Variants in PRRC2C observed in about 807,000 individuals in gnomAD.
The protein encoded by PRRC2C is protein PRRC2C.
PRRC2C carries 72 observed loss-of-function variants against 317.2 expected under a neutral mutation model. The observed-to-expected ratio is 0.23, with a 90% CI of 0.19 to 0.28. The LOEUF (loss-of-function observed/expected upper bound fraction) is 0.28, where lower values mean the gene tolerates loss of function less well. Ranked by LOEUF, PRRC2C falls within the 10% of genes least tolerant of loss-of-function variation. PRRC2C has a pLI of 1.00. For missense variants in PRRC2C, 3,074 were observed against 3,459.7 expected, an observed-to-expected ratio of 0.89 and a Z score of 2.80; for synonymous variants, 1,296 against 1,205.9, an observed-to-expected ratio of 1.07 and a Z score of -1.55.
rs1557996951 is a variant in PRRC2C, at chr1:171,557,499, T to TGGCCTCAACCTCAGCTCCAGTTCC, written c.5388_5411dup (p.Thr1799_Ser1806dup). The TGGCCTCAACCTCAGCTCCAGTTCC allele has an allele frequency of 1.0e-5, 16 of 1,550,888 alleles. No homozygotes were observed. In the African/African-American group the frequency reaches 1.7e-4, roughly 16 times the overall value. On this transcript the variant is annotated inframe_insertion, in exon 19 of 35. Transcript: ENST00000647382. ...CCAGCCTCAACTTTAGCTCCAGTTC[T>TGGCCTCAACCTCAGCTCCAGTTCC]GGCCTCAACCTCAGCTCCAGTTCCA...
intron 16 of PRRC2C, 124 bp from the exon 17 acceptor site, chr1:171,545,355 A>G (rs1003918444): frequency 1.3e-6 from 1 of 771,752 alleles, no homozygotes. Flanking sequence ...GTTTGGTTAC[A>G]GTTAAGAGTT....
chr1:171,545,818 G>T, intron 17 of PRRC2C, 131 bp downstream of exon 17: 1 of 531,978 alleles, frequency 1.9e-6, no homozygotes, highest in Non-Finnish European at 2.8e-6. Context: ...GACATTCAAG[G>T]TATACATAGT....
rs754737523 is a variant in PRRC2C, at chr1:171,532,847, A to G, written c.1759A>G (p.Lys587Glu). ...KELQKMKEQEKECELEKEREK... is the reference protein window; with the variant it reads ...KELQKMKEQEEECELEKEREK... ...ACTACAAAAGATGAAAGAACAAGAAAAGGAATGTGAGCTGGAGAAGGAAAG... is the reference window on the plus strand; with the variant it reads ...ACTACAAAAGATGAAAGAACAAGAAGAGGAATGTGAGCTGGAGAAGGAAAG... Residue 587 changes from lysine to glutamate, a missense_variant, in exon 12 of 35, where the codon AAG (lysine) becomes GAG (glutamate). Lys to Glu is a moderately conservative substitution (Grantham distance 56, BLOSUM62 1). Transcript: ENST00000647382. The G allele has an allele frequency of 8.7e-6, 14 of 1,601,978 alleles. No homozygotes were observed. The African/African-American group carries it at 1.8e-4, about 20-fold the overall frequency.
chr1:171,540,642 A>T lies in PRRC2C; in HGVS notation c.3176A>T (p.Asp1059Val), dbSNP rs1327305949. The T allele has an allele frequency of 6.2e-7, 1 of 1,613,946 alleles. No homozygotes were observed. Among genetic ancestry groups the T allele is most frequent in the East Asian group, 2.2e-5 (1 of 44,866 alleles). The change falls in exon 16 of 35, where the codon GAT (aspartate) becomes GTT (valine). Residue 1059 changes from aspartate to valine, a missense_variant. By Grantham distance (152) the Asp-to-Val change is radical. Around this residue, in one of 11 missense-constraint regions of PRRC2C, gnomAD observed 1,320 missense variants for 1,395.7 expected, o/e 0.95. Transcript: ENST00000647382. ...VVKPEKTEKK[D>V]LPPPPPPPQP... ...AAGCCTGAAAAGACGGAAAAGAAGG[A>T]TCTTCCTCCTCCCCCACCACCACCT... is the stretch of plus-strand genomic sequence containing the variant.
chr1:171,587,313 G>A (rs936297780), intron 31 of PRRC2C, 92 bp downstream of exon 31: 23 of 1,207,282 alleles, frequency 1.9e-5, no homozygotes, highest in African/African-American at 1.1e-4. Flanking sequence ...ACTAAAATGC[G>A]TCAGTTTTTA....
chr1:171,537,423 G>T lies in PRRC2C; in HGVS notation c.2454G>T (p.Glu818Asp), dbSNP rs1366918969. The T allele has an allele frequency of 5.7e-6, 9 of 1,586,412 alleles. No individual in the cohort carries two copies. Among genetic ancestry groups the T allele is most frequent in the Non-Finnish European group, 7.7e-6 (9 of 1,165,432 alleles). ...LWGSDPYPHA[E>D]PQQATTPKAT... ...GGTCAGATCCCTATCCTCATGCTGAGCCTCAACAAGCAACTACTCCCAAAG... is the reference window on the plus strand; with the variant it reads ...GGTCAGATCCCTATCCTCATGCTGATCCTCAACAAGCAACTACTCCCAAAG... Residue 818 changes from glutamate (E) to aspartate (D), a missense_variant, in exon 15 of 35, where the codon GAG becomes GAT. Transcript: ENST00000647382.
At position 171,566,644 on chromosome 1, in the gene PRRC2C, G is replaced by C; in HGVS notation, c.6359G>C (p.Gly2120Ala). The C allele has an allele frequency of 6.2e-7, 1 of 1,605,624 alleles. No homozygotes were observed. The highest frequency in any genetic ancestry group is 8.5e-7 in the Non-Finnish European group (1 of 1,175,608). ...AAAGAACACAAACCTGGTCCCATTG[G>C]AAAGGAACGTTCATTAAAAAATAGA... ...ENKEHKPGPI[G>A]KERSLKNRKV... is the part of the protein sequence containing the mutation. The change falls in exon 22 of 35, where the codon GGA (glycine) becomes GCA (alanine). Residue 2120 changes from glycine (G) to alanine (A), a missense_variant. This residue lies in a region of PRRC2C where 640 missense variants were observed against 676.1 expected (regional missense o/e 0.95). Coordinates refer to ENST00000647382, the MANE Select transcript of PRRC2C (RefSeq NM_001387844.1).
chr1:171,492,762 A>ATTTATT (rs1322088136), intron 1 of PRRC2C, among the ~76,000 whole-genome samples: 4 of 150,986 alleles, frequency 2.6e-5, no homozygotes, highest in Non-Finnish European at 5.9e-5. Flanking sequence ...TTATTTATTT[A>ATTTATT]TTTATTTAGA....
Position 171,568,355 on chromosome 1 carries a change from G to T in PRRC2C, c.6651+16G>T. ...GGTTAATAATGTAAGTAATCAGTTT[G>T]AGATGTGGCAAGTTTGGATTGGAAC... On this transcript the variant is annotated intron_variant, in intron 23 of 34. Transcript: ENST00000647382. 1 of 1,583,344 alleles carries T rather than the reference G, an allele frequency of 6.3e-7. No homozygotes were observed. The highest frequency in any genetic ancestry group is 1.2e-5 in the South Asian group (1 of 86,892).
intron 17 of PRRC2C, among the ~76,000 whole-genome samples, chr1:171,548,527 A>G (rs960885435): frequency 2.6e-5 from 4 of 152,194 alleles, no homozygotes; most frequent in Non-Finnish European, 5.9e-5. Flanking sequence ...TCCAATTAAA[A>G]CATGGTATAT....
At chr1:171,487,496 T>C (rs1666343600) in intron 1 of PRRC2C, among the ~76,000 whole-genome samples, 1 of 152,220 alleles carries the variant, frequency 6.6e-6, no homozygotes, top group African/African-American at 2.4e-5. Flanking sequence ...ATGGAATATA[T>C]CCACTTTGGA....
Position 171,541,325 on chromosome 1 carries a change from A to G in PRRC2C, c.3859A>G (p.Lys1287Glu). Residue 1287 changes from lysine to glutamate, a missense_variant, in exon 16 of 35, where the codon AAA (lysine) becomes GAA (glutamate). This residue lies in a region of PRRC2C where 1,320 missense variants were observed against 1,395.7 expected (regional missense o/e 0.95). Coordinates refer to ENST00000647382, the MANE Select transcript of PRRC2C (RefSeq NM_001387844.1). This position sits in a 1 kb window ranked among gnomAD's most constrained non-coding sequence, Gnocchi z 4.1. ...TGACAAGGACAGTTTAAGTAAAGGCAAACTTCCCAAAAGAGAGGAACGGCC... is the reference window on the plus strand; with the variant it reads ...TGACAAGGACAGTTTAAGTAAAGGCGAACTTCCCAAAAGAGAGGAACGGCC... Reference protein sequence around the residue: ...ASDKDSLSKGKLPKREERPEN... With the variant: ...ASDKDSLSKGELPKREERPEN... 6.2e-7 allele frequency: 1 copy of G among 1,613,682 alleles called. No individual in the cohort carries two copies. The highest frequency in any genetic ancestry group is 1.1e-5 in the South Asian group (1 of 91,030).
At position 171,545,649 on chromosome 1, in the gene PRRC2C, T is replaced by C. The variant is rs772930366; in HGVS notation, c.4934T>C (p.Val1645Ala). ...KPGPKKPKEK[V>A]DALSQFDLNN... The stretch of plus-strand genomic sequence containing the variant: ...GGCCCTAAAAAACCAAAAGAGAAAG[T>C]GGATGCTCTATCACAGTTTGATCTC... Residue 1645 changes from valine to alanine, a missense_variant, in exon 17 of 35, where the codon GTG becomes GCG. Physicochemically the swap from Val to Ala is moderately conservative, Grantham distance 64 (BLOSUM62 0). Coordinates refer to ENST00000647382, the MANE Select transcript of PRRC2C (RefSeq NM_001387844.1). 1 of 1,613,158 alleles carries C rather than the reference T, an allele frequency of 6.2e-7. No individual in the cohort carries two copies.
chr1:171,492,654 G>T (rs1667368550), intron 1 of PRRC2C, among the ~76,000 whole-genome samples: 6 of 152,070 alleles, frequency 3.9e-5, no homozygotes, highest in Admixed American at 3.9e-4. Flanking sequence ...ATCAGTAGTG[G>T]GATAGCCATT....
intron 1 of PRRC2C, among the ~76,000 whole-genome samples, chr1:171,503,300 G>A (rs371272563): frequency 4.5e-4 from 69 of 152,176 alleles, no homozygotes; most frequent in African/African-American, 1.5e-3. Context: ...GAGGCAGGTG[G>A]ATCATCTGAG....
Position 171,550,024 on chromosome 1 carries a change from C to T in PRRC2C, c.4973-62C>T, listed in dbSNP as rs536467773. ...TTTTTTTAAGTACTACTGTACTAAACATTTTTATTAATTTTCATTTGAAAA... is the reference window on the plus strand; with the variant it reads ...TTTTTTTAAGTACTACTGTACTAAATATTTTTATTAATTTTCATTTGAAAA... On this transcript the variant is annotated intron_variant, in intron 17 of 34. Coordinates refer to ENST00000647382, the MANE Select transcript of PRRC2C (RefSeq NM_001387844.1). 778 of 1,206,374 alleles carry T rather than the reference C, an allele frequency of 6.4e-4. 1 individual carries two copies. The highest frequency in any genetic ancestry group is 6.9e-4 in the Non-Finnish European group (628 of 903,682). 74.7% of individuals were successfully genotyped at this position (1,206,374 alleles called of 1,614,324 possible).
intron 11 of PRRC2C, among the ~76,000 whole-genome samples, chr1:171,528,663 G>T (rs1675186954): frequency 6.6e-6 from 1 of 152,032 alleles, no homozygotes; most frequent in African/African-American, 2.4e-5. Flanking sequence ...CCCTCTCCAG[G>T]CATGCTTTCT....
rs1256079909 is a variant in PRRC2C, at chr1:171,522,253, C to A, written c.827C>A (p.Thr276Lys). The A allele has an allele frequency of 2.0e-5, 31 of 1,567,820 alleles. No individual in the cohort carries two copies. Among genetic ancestry groups the A allele is most frequent in the Non-Finnish European group, 2.7e-5 (31 of 1,139,428 alleles). ...AGATTCCCACCTTCTTTATCTGAAACAAACAAGTAAGGCTATTAAATGATT... is the reference window on the plus strand; with the variant it reads ...AGATTCCCACCTTCTTTATCTGAAAAAAACAAGTAAGGCTATTAAATGATT... ...PMRFPPSLSE[T>K]NKGLRGRGPP... Residue 276 changes from threonine (T) to lysine (K), a missense_variant, in exon 7 of 35, where the codon ACA (threonine) becomes AAA (lysine). Physicochemically the swap from Thr to Lys is moderately conservative, Grantham distance 78 (BLOSUM62 -1). This residue lies in a region of PRRC2C where 50 missense variants were observed against 88.3 expected (regional missense o/e 0.57). Coordinates refer to ENST00000647382, the MANE Select transcript of PRRC2C (RefSeq NM_001387844.1).
Position 171,592,369 on chromosome 1 carries a change from C to G in PRRC2C, c.*522C>G, listed in dbSNP as rs1439163957. On this transcript the variant is annotated 3_prime_UTR_variant, in exon 35 of 35. Transcript: ENST00000647382. Reference sequence around the variant, plus strand: ...AGAGGAGCCTTATTTTTTATTATGGCAGCTTGCTATTTTTATAACATGGTG... The same window carrying G: ...AGAGGAGCCTTATTTTTTATTATGGGAGCTTGCTATTTTTATAACATGGTG... The G allele has an allele frequency of 2.0e-5, 3 of 152,462 alleles. No homozygotes were observed. The highest frequency in any genetic ancestry group is 1.3e-4 in the Admixed American group (2 of 15,310). The allele number at this position is 152,462 out of a possible 1,614,324, so 9.4% of individuals were successfully genotyped here.
Sources: gnomAD v4.1 joint callset for allele counts (sites outside exome capture counted in the v4.1 genomes callset) on GRCh38, gnomAD v4.1.1 for gene constraint, gnomAD v4.1.1 regional missense constraint, Gnocchi (gnomAD v3.1) non-coding constraint, MANE v1.5 for transcripts, NCBI Gene and HGNC (gene_info 2026-07-23, HGNC 2026-07-21) for gene names.